MPP3: variants seen among roughly 807,000 people sequenced by gnomAD.
MPP3 encodes MAGUK p55 scaffold protein 3.
In MPP3, 48 loss-of-function variants were observed where a neutral mutation model predicts 80.7. That is an observed-to-expected ratio of 0.59 (90% confidence interval 0.47 to 0.76). MPP3 has a LOEUF of 0.76. MPP3 is among the 30% of genes least tolerant of loss of function. MPP3 has a pLI of 0.00. For synonymous variants in MPP3, 311 were observed against 297.6 expected (o/e 1.04, Z -0.46); for missense variants, 620 against 763.0 (o/e 0.81, Z 2.21).
intron 4 of MPP3, 100 bp from the exon 5 acceptor site, chr17:43,831,421 C>A: frequency 7.1e-7 from 1 of 1,400,220 alleles, no homozygotes; most frequent in Non-Finnish European, 1.0e-6. Flanking sequence ...TGACAGGGCA[C>A]CATAAGAGAA....
intron 7 of MPP3, 29 bp downstream of exon 7, chr17:43,829,625 G>A (rs747813990): frequency 4.1e-5 from 66 of 1,610,616 alleles, no homozygotes; most frequent in Non-Finnish European, 5.4e-5. Context: ...GGAAGAGTGG[G>A]TTAGAGAGGG....
At chr17:43,809,413 T>G (rs939393052) in intron 18 of MPP3, among the ~76,000 whole-genome samples, 2 of 152,200 alleles carry the variant, frequency 1.3e-5, no homozygotes, top group African/African-American at 4.8e-5. Flanking sequence ...CTTCCATTTC[T>G]GATGGGTGAG....
intron 4 of MPP3, 76 bp from the exon 5 acceptor site, chr17:43,831,397 G>T: frequency 2.0e-6 from 3 of 1,490,768 alleles, no homozygotes; most frequent in Middle Eastern, 1.7e-4. Flanking sequence ...ATTTGGGGCA[G>T]CAGACTGGGC....
intron 16 of MPP3, 105 bp from the exon 17 acceptor site, chr17:43,811,310 T>A: frequency 1.2e-6 from 1 of 825,324 alleles, no homozygotes; most frequent in Non-Finnish European, 2.0e-6. Context: ...CTGCTGTGTC[T>A]AAACCAGGCA....
At position 43,816,048 on chromosome 17, in the gene MPP3, C is replaced by T. The variant is rs2045111208; in HGVS notation, c.999G>A (p.Gly333=). ...GGGGGAGCTACTTACCCACATAGTG[C>T]CCTTTGAGGTAGCCCTCACAGTCAC... ...ETCDCEGYLK[G]HYVAGLRRSF... is the part of the protein sequence containing the mutation. The change falls in exon 14 of 20, where the codon GGG becomes GGA. Residue 333 remains glycine (G), a synonymous_variant. Coordinates refer to ENST00000398389, the MANE Select transcript of MPP3 (RefSeq NM_001932.6). 2.7e-6 allele frequency: 4 copies of T among 1,504,066 alleles called. No homozygotes were observed. The highest frequency in any genetic ancestry group is 3.5e-6 in the Non-Finnish European group (4 of 1,132,242). The allele number at this position is 1,504,066 out of a possible 1,614,324, so 93.2% of individuals were successfully genotyped here. A position where few individuals can be genotyped will look rare whatever the true frequency, so the allele number is the denominator to read the frequency against.
chr17:43,801,080 G>A lies in MPP3; in HGVS notation c.*621C>T, dbSNP rs1027430247. On this transcript the variant is annotated 3_prime_UTR_variant, in exon 20 of 20. Transcript: ENST00000398389. ...GCAACCTTACATTCCTCGAGTCCCT[G>A]AAGGCACCACTGCAGTACAGGATAG... 6.6e-6 allele frequency: 1 copy of A among 152,262 alleles called. No homozygotes were observed. The highest frequency in any genetic ancestry group is 1.5e-5 in the Non-Finnish European group (1 of 68,090). The allele number at this position is 152,262 out of a possible 1,614,324, so 9.4% of individuals were successfully genotyped here.
At position 43,801,392 on chromosome 17, in the gene MPP3, C is replaced by T. The variant is rs565464379; in HGVS notation, c.*309G>A. 6.0e-6 allele frequency: 2 copies of T among 336,030 alleles called. No individual in the cohort carries two copies. Among genetic ancestry groups the T allele is most frequent in the East Asian group, 1.6e-4 (2 of 12,404 alleles). 20.8% of individuals were successfully genotyped at this position (336,030 alleles called of 1,614,324 possible). On this transcript the variant is annotated 3_prime_UTR_variant, in exon 20 of 20. Transcript: ENST00000398389. Reference sequence around the variant, plus strand: ...GTACTGTATAAATTAACCACTACCACCCACAAAAGACAGTGGCTACTTAAC... The same window carrying T: ...GTACTGTATAAATTAACCACTACCATCCACAAAAGACAGTGGCTACTTAAC...
chr17:43,828,233 C>T (rs577662947), intron 7 of MPP3, among the ~76,000 whole-genome samples: 1 of 152,330 alleles, frequency 6.6e-6, no homozygotes, highest in Non-Finnish European at 1.5e-5. Flanking sequence ...AATTCTCACC[C>T]TGCCTCTACC....
Position 43,820,605 on chromosome 17 carries a change from TACACACACAC to T in MPP3, c.881+247_881+256del, listed in dbSNP as rs61249899. Among the ~76,000 whole-genome samples the T allele has an allele frequency of 6.9e-3, 865 of 125,290 alleles. 14 individuals carry two copies. Among genetic ancestry groups the T allele is most frequent in the African/African-American group, 0.024 (822 of 34,396 alleles). The allele number at this position is 125,290 out of a possible 152,430, so 82.2% of individuals were successfully genotyped here. A position where few individuals can be genotyped will look rare whatever the true frequency, so the allele number is the denominator to read the frequency against. On this transcript the variant is annotated intron_variant, in intron 11 of 19. Coordinates refer to ENST00000398389, the MANE Select transcript of MPP3 (RefSeq NM_001932.6). The stretch of plus-strand genomic sequence containing the variant: ...GACTCTGTCTCAAAAAAAAAAAAAA[TACACACACAC>T]ACACACACACACACACACACACACA...
chr17:43,829,570 CG>C, intron 7 of MPP3, 83 bp downstream of exon 7: 2 of 1,522,076 alleles, frequency 1.3e-6, no homozygotes, highest in African/African-American at 2.7e-5. Flanking sequence ...CTGAAGACTT[CG>C]GGGAGGATCT....
At chr17:43,801,909 T>C (rs974425792) in intron 19 of MPP3, 32 bp from the exon 20 acceptor site, 2 of 1,598,586 alleles carry the variant, frequency 1.3e-6, no homozygotes, top group African/African-American at 1.3e-5. Context: ...AAGGAGCAAC[T>C]GGGTTGTTCT....
rs138728546 is a variant in MPP3 at position 43,827,947 on chromosome 17, C to T, written c.442-115G>A. 173 of 903,236 alleles carry T rather than the reference C, an allele frequency of 1.9e-4. No individual in the cohort carries two copies. The East Asian group carries it at 2.3e-3, about 12-fold the overall frequency. The allele number at this position is 903,236 out of a possible 1,614,324, so 56.0% of individuals were successfully genotyped here. On this transcript the variant is annotated intron_variant, in intron 7 of 19. Transcript: ENST00000398389. The stretch of plus-strand genomic sequence containing the variant: ...CCTCCCTCTGACAGTCCAGAGAGAT[C>T]AGTGGGGACCTTCCCAATGCTGAAG...
intron 18 of MPP3, 112 bp from the exon 19 acceptor site, chr17:43,809,190 G>T: frequency 8.6e-7 from 1 of 1,157,982 alleles, no homozygotes; most frequent in Non-Finnish European, 1.2e-6. Context: ...AACAGCAAAG[G>T]TCCTGGTTAC....
intron 19 of MPP3, among the ~76,000 whole-genome samples, chr17:43,808,296 C>T (rs1479721946): frequency 6.6e-6 from 1 of 152,162 alleles, no homozygotes; most frequent in South Asian, 2.1e-4. Context: ...TGACTGCCCC[C>T]ACCACCCACA....
At chr17:43,824,416 G>T (rs1022779930) in intron 9 of MPP3, among the ~76,000 whole-genome samples, 1 of 152,034 alleles carries the variant, frequency 6.6e-6, no homozygotes, top group Non-Finnish European at 1.5e-5. Context: ...AACCCATTTC[G>T]GTTTCCTTTG....
intron 19 of MPP3, among the ~76,000 whole-genome samples, chr17:43,804,964 G>GC (rs1210768857): frequency 6.6e-6 from 1 of 152,168 alleles, no homozygotes; most frequent in African/African-American, 2.4e-5. Context: ...GTTGCAGTGA[G>GC]CCAACACCGC....
intron 10 of MPP3, among the ~76,000 whole-genome samples, chr17:43,821,586 C>T (rs999304623): frequency 6.6e-6 from 1 of 152,184 alleles, no homozygotes; most frequent in Non-Finnish European, 1.5e-5. Context: ...ACAGCTCTTA[C>T]GGCTCAATCC....
chr17:43,808,858 A>G (rs2044727694), intron 19 of MPP3, 98 bp downstream of exon 19: 2 of 1,368,056 alleles, frequency 1.5e-6, no homozygotes, highest in Admixed American at 5.2e-5. Flanking sequence ...TGTGTCCCGC[A>G]TCCCTCTTCA....
chr17:43,823,166 C>T (rs2143025577), intron 10 of MPP3, among the ~76,000 whole-genome samples: 1 of 152,244 alleles, frequency 6.6e-6, no homozygotes, highest in East Asian at 1.9e-4. Flanking sequence ...GGGTCAGCTT[C>T]TAAGAGGCCC....
Sources: gnomAD v4.1 joint callset for allele counts (sites outside exome capture counted in the v4.1 genomes callset) on GRCh38, gnomAD v4.1.1 for gene constraint, MANE v1.5 for transcripts, NCBI Gene and HGNC (gene_info 2026-07-23, HGNC 2026-07-21) for gene names.